TUBD1: variants seen among roughly 807,000 people sequenced by gnomAD.
The protein encoded by TUBD1 is tubulin delta chain.
A neutral mutation model predicts 51.2 loss-of-function variants in TUBD1; 38 were observed. That is an observed-to-expected ratio of 0.74 (90% confidence interval 0.57 to 0.97). TUBD1 has a LOEUF of 0.97. Among genes scored for constraint, TUBD1 ranks in the 50% least tolerant of loss-of-function variants. TUBD1 has a pLI of 0.00. For missense variants in TUBD1, 489 were observed against 538.4 expected (o/e 0.91, Z 0.91); for synonymous variants, 169 against 178.2 (o/e 0.95, Z 0.41).
rs1598586565 is a variant in TUBD1 at position 59,890,762 on chromosome 17, T to C, written c.172+69A>G. The stretch of plus-strand genomic sequence containing the variant: ...GGGAAGGAATGGGGTTTAAAAACCA[T>C]GTGGAAGGCCTGGCTTTGAAGGGGT... On this transcript the variant is annotated intron_variant, in intron 2 of 8. Coordinates refer to ENST00000325752, the MANE Select transcript of TUBD1 (RefSeq NM_016261.4). The C allele has an allele frequency of 8.3e-6, 11 of 1,324,198 alleles. No individual in the cohort carries two copies. In the East Asian group the frequency reaches 1.0e-4, roughly 12 times the overall value. 82.0% of individuals were successfully genotyped at this position (1,324,198 alleles called of 1,614,324 possible).
At chr17:59,860,592 CTTTT>C (rs1033648200) in intron 8 of TUBD1, among the ~76,000 whole-genome samples, 168 bp from the exon 9 acceptor site, 2 of 144,358 alleles carry the variant, frequency 1.4e-5, no homozygotes, top group Admixed American at 6.9e-5. Flanking sequence ...AGTGAACTTT[CTTTT>C]TTTTTTTTGA....
At chr17:59,877,083 C>T (rs1316196924) in intron 5 of TUBD1, among the ~76,000 whole-genome samples, 1 of 152,048 alleles carries the variant, frequency 6.6e-6, no homozygotes, top group Non-Finnish European at 1.5e-5. Context: ...TGGTCTCAAA[C>T]TTCTGACCTC....
chr17:59,890,848 C>T lies in TUBD1; in HGVS notation c.155G>A (p.Ser52Asn), dbSNP rs753642209. The T allele has an allele frequency of 1.7e-5, 27 of 1,612,760 alleles. No individual in the cohort carries two copies. Among genetic ancestry groups the T allele is most frequent in the African/African-American group, 2.7e-5 (2 of 74,912 alleles). Residue 52 changes from serine (S) to asparagine (N), a missense_variant, in exon 2 of 9, where the codon AGT becomes AAT. Ser to Asn is a conservative substitution (Grantham distance 46). Coordinates refer to ENST00000325752, the MANE Select transcript of TUBD1 (RefSeq NM_016261.4). ...YQASCKERFF[S>N]EEENGVPIAR... ...ACACCTACCTCCATTCTCCTCCTCA[C>T]TGAAGAATCTTTCTTTGCAAGATGC...
intron 7 of TUBD1, among the ~76,000 whole-genome samples, chr17:59,865,006 A>G (rs1369266147): frequency 6.6e-6 from 1 of 151,564 alleles, no homozygotes; most frequent in Non-Finnish European, 1.5e-5. Flanking sequence ...ACAGGTGTGC[A>G]CCACTATACT....
chr17:59,880,090 G>A lies in TUBD1; in HGVS notation c.537+804C>T, dbSNP rs539508558. ...AAATTTTTTTTTGAGATGGAGTCTC[G>A]CTCTGTCGCCAGGCTGGAGTGCAGT... On this transcript the variant is annotated intron_variant, in intron 4 of 8. Coordinates refer to ENST00000325752, the MANE Select transcript of TUBD1 (RefSeq NM_016261.4). Among the ~76,000 whole-genome samples, 12 of 148,924 alleles carry A rather than the reference G, an allele frequency of 8.1e-5. No homozygotes were observed. The South Asian group carries it at 1.1e-3, about 13-fold the overall frequency.
rs565915843 is a variant in TUBD1, at chr17:59,887,272, T to C, written c.173-1042A>G. On this transcript the variant is annotated intron_variant, in intron 2 of 8. Transcript: ENST00000325752. ...CTGTAATCTCAGCTACTCAGGAGGC[T>C]GAGGCACGAGAATTGCTTGAACCCA... Among the ~76,000 whole-genome samples the C allele has an allele frequency of 1.4e-4, 22 of 151,942 alleles. No homozygotes were observed. In the East Asian group the frequency reaches 2.1e-3, roughly 15 times the overall value.
chr17:59,878,192 A>G lies in TUBD1; in HGVS notation c.680T>C (p.Ile227Thr), dbSNP rs749282681. The stretch of plus-strand genomic sequence containing the variant: ...CAGCTGATGTGCGAGGACTTGATTG[A>G]TATCACTAAAGGAGATCTGCTTGAT... ...MNIKQISFSD[I>T]NQVLAHQLGS... The change falls in exon 5 of 9, where the codon ATC (isoleucine) becomes ACC (threonine). Residue 227 changes from isoleucine (I) to threonine (T), a missense_variant. By Grantham distance (89) the Ile-to-Thr change is moderately conservative (BLOSUM62 -1). Transcript: ENST00000325752. 7.4e-6 allele frequency: 12 copies of G among 1,614,048 alleles called. No homozygotes were observed. Among genetic ancestry groups the G allele is most frequent in the Non-Finnish European group, 1.0e-5 (12 of 1,180,046 alleles).
intron 5 of TUBD1, among the ~76,000 whole-genome samples, chr17:59,875,352 G>C (rs1025152553): frequency 4.6e-5 from 7 of 151,326 alleles, no homozygotes; most frequent in African/African-American, 1.7e-4. Context: ...TGGGATTACA[G>C]GTGTGAGCCA....
chr17:59,873,719 G>A (rs1196024921), intron 6 of TUBD1, among the ~76,000 whole-genome samples: 1 of 151,874 alleles, frequency 6.6e-6, no homozygotes, highest in Non-Finnish European at 1.5e-5. Context: ...AAAAAAATTA[G>A]CCAGGCATGG....
At chr17:59,885,969 C>T (rs2040701876) in intron 3 of TUBD1, 114 bp downstream of exon 3, 1 of 1,173,072 alleles carries the variant, frequency 8.5e-7, no homozygotes, top group Non-Finnish European at 1.2e-6. Context: ...AAATCTAAAA[C>T]AGCAATTTCA....
chr17:59,862,589 GAGTGCAATGGCATA>G (rs1223797615), intron 8 of TUBD1, among the ~76,000 whole-genome samples: 1 of 151,392 alleles, frequency 6.6e-6, no homozygotes, highest in East Asian at 2.0e-4. Context: ...GCCCAGGCTG[GAGTGCAATGGCATA>G]GTCTCGGCTC....
intron 3 of TUBD1, among the ~76,000 whole-genome samples, chr17:59,882,267 T>C (rs2040521635): frequency 6.6e-6 from 1 of 151,976 alleles, no homozygotes; most frequent in Non-Finnish European, 1.5e-5. Flanking sequence ...ATTTTCTCCT[T>C]TTTTATTTTT....
At chr17:59,874,477 G>T in intron 6 of TUBD1, 62 bp downstream of exon 6, 1 of 1,531,798 alleles carries the variant, frequency 6.5e-7, no homozygotes, top group Non-Finnish European at 8.8e-7. Flanking sequence ...AGTTTATATT[G>T]AGACTCCAGG....
chr17:59,874,629 C>T lies in TUBD1; in HGVS notation c.844G>A (p.Glu282Lys), dbSNP rs1217901312. The change falls in exon 6 of 9, where the codon GAG (glutamate) becomes AAG (lysine). Residue 282 changes from glutamate to lysine, a missense_variant. By Grantham distance (56) the Glu-to-Lys change is moderately conservative. Transcript: ENST00000325752. ...AATGTGGTGTATGCCAATGAATTCT[C>T]AGACATGTGAGGAATGTTACGAACA... The part of the protein sequence containing the change: ...LSVRNIPHMS[E>K]NSLAYTTFTW... 2.0e-5 allele frequency: 32 copies of T among 1,613,682 alleles called. No individual in the cohort carries two copies. Among genetic ancestry groups the T allele is most frequent in the African/African-American group, 2.7e-5 (2 of 74,884 alleles).
chr17:59,863,615 TCA>T (rs2039563727), intron 8 of TUBD1, 47 bp downstream of exon 8: 1 of 1,127,922 alleles, frequency 8.9e-7, no homozygotes. Flanking sequence ...AGACTCTGTC[TCA>T]AAAAAAAAAA....
Position 59,873,916 on chromosome 17 carries a change from A to G in TUBD1, c.934+623T>C, listed in dbSNP as rs2040110010. Among the ~76,000 whole-genome samples, 5 of 151,038 alleles carry G rather than the reference A, an allele frequency of 3.3e-5. No homozygotes were observed. In the South Asian group the frequency reaches 8.4e-4, roughly 25 times the overall value. On this transcript the variant is annotated intron_variant, in intron 6 of 8. Transcript: ENST00000325752. ...AATACTGAGATATAATTGGCCGGGCACGGTGGCTCACTCTTGTAATCCCAG... is the reference window on the plus strand; with the variant it reads ...AATACTGAGATATAATTGGCCGGGCGCGGTGGCTCACTCTTGTAATCCCAG...
At chr17:59,889,967 CAA>C (rs35427875) in intron 2 of TUBD1, among the ~76,000 whole-genome samples, 37 of 69,372 alleles carry the variant, frequency 5.3e-4, no homozygotes, top group African/African-American at 8.6e-4. Context: ...GAGACTCTCT[CAA>C]AAAAAAAAAA....
intron 5 of TUBD1, among the ~76,000 whole-genome samples, chr17:59,876,359 G>GT (rs886233329): frequency 0.042 from 5,613 of 133,808 alleles, 304 homozygotes; most frequent in African/African-American, 0.13. Flanking sequence ...TTTTTTTTTT[G>GT]TTTTTTTTTT....
At chr17:59,877,126 C>T (rs936963708) in intron 5 of TUBD1, among the ~76,000 whole-genome samples, 1 of 152,122 alleles carries the variant, frequency 6.6e-6, no homozygotes, top group Non-Finnish European at 1.5e-5. Context: ...TCCCAACGTG[C>T]TGGGATACAG....
Sources: gnomAD v4.1 joint callset for allele counts (sites outside exome capture counted in the v4.1 genomes callset) on GRCh38, gnomAD v4.1.1 for gene constraint, MANE v1.5 for transcripts, NCBI Gene and HGNC (gene_info 2026-07-23, HGNC 2026-07-21) for gene names.